The following CCDC91 variants were observed in gnomAD, a reference collection of about 807,000 sequenced individuals.
CCDC91 encodes the protein coiled-coil domain-containing protein 91.
Under a neutral mutation model 63.2 loss-of-function variants are expected in CCDC91, and 48 were observed. The observed-to-expected ratio is 0.76, with a 90% CI of 0.60 to 0.97. The LOEUF (loss-of-function observed/expected upper bound fraction) is 0.97. CCDC91 is among the 50% of genes least tolerant of loss of function. CCDC91 has a pLI of 0.00. For synonymous variants in CCDC91, 167 were observed against 165.8 expected (o/e 1.01, Z -0.06); for missense variants, 500 against 494.6 (o/e 1.01, Z -0.10).
At chr12:28,209,328 G>T (rs192031747) in intron 1 of CCDC91, among the ~76,000 whole-genome samples, 7 of 152,194 alleles carry the variant, frequency 4.6e-5, no homozygotes, top group Non-Finnish European at 1.0e-4. Context: ...ACCCTGTTGT[G>T]CTTTTATTCC....
chr12:28,436,742 T>C (rs1328924791), intron 8 of CCDC91, among the ~76,000 whole-genome samples: 2 of 151,852 alleles, frequency 1.3e-5, no homozygotes, highest in Non-Finnish European at 2.9e-5. Context: ...TTTTGCAGGG[T>C]ACACAATTCC....
At chr12:28,464,533 C>T (rs1159077080) in intron 11 of CCDC91, among the ~76,000 whole-genome samples, 1 of 152,202 alleles carries the variant, frequency 6.6e-6, no homozygotes, top group African/African-American at 2.4e-5. Context: ...TGGTCAGAGT[C>T]ACGAGGCCTC....
chr12:28,258,080 T>G (rs1396194454), intron 2 of CCDC91, among the ~76,000 whole-genome samples: 1 of 151,964 alleles, frequency 6.6e-6, no homozygotes, highest in Non-Finnish European at 1.5e-5. Context: ...AAGAATGGTG[T>G]GAGGTTTTTG....
chr12:28,487,328 T>C lies in CCDC91; in HGVS notation c.1215+3163T>C, dbSNP rs563051391. On this transcript the variant is annotated intron_variant, in intron 12 of 12. Coordinates refer to ENST00000536442, the MANE Select transcript of CCDC91 (RefSeq NM_018318.5). Reference sequence around the variant, plus strand: ...TGAAATGGAACTAATTACTAATTACTAGACCTCTTTATTATGTAAATTTTA... The same window carrying C: ...TGAAATGGAACTAATTACTAATTACCAGACCTCTTTATTATGTAAATTTTA... Among the ~76,000 whole-genome samples, 8 of 151,910 alleles carry C rather than the reference T, an allele frequency of 5.3e-5. No homozygotes were observed. In the South Asian group the frequency reaches 8.3e-4, roughly 16 times the overall value.
chr12:28,327,022 A>G (rs1021683811), intron 6 of CCDC91, among the ~76,000 whole-genome samples: 2 of 152,114 alleles, frequency 1.3e-5, no homozygotes, highest in Non-Finnish European at 2.9e-5. Context: ...AAAAGTAAGG[A>G]GAAGAATATT....
chr12:28,293,446 T>C (rs1949365252), intron 3 of CCDC91, among the ~76,000 whole-genome samples: 1 of 152,198 alleles, frequency 6.6e-6, no homozygotes, highest in South Asian at 2.1e-4. Flanking sequence ...CATTAAGTCT[T>C]GTTTTCTACT....
intron 11 of CCDC91, among the ~76,000 whole-genome samples, chr12:28,479,905 G>A (rs933527495): frequency 4.6e-5 from 7 of 152,002 alleles, no homozygotes; most frequent in Admixed American, 4.6e-4. Flanking sequence ...GACTATGTAT[G>A]AGATTAATAA....
intron 6 of CCDC91, among the ~76,000 whole-genome samples, chr12:28,357,671 G>A (rs1481956215): frequency 6.6e-6 from 1 of 152,032 alleles, no homozygotes; most frequent in Non-Finnish European, 1.5e-5. Context: ...TGCCCTTATT[G>A]AACAATACCT....
intron 11 of CCDC91, among the ~76,000 whole-genome samples, chr12:28,467,328 A>G (rs946463955): frequency 6.6e-6 from 1 of 152,100 alleles, no homozygotes; most frequent in Non-Finnish European, 1.5e-5. Flanking sequence ...TGCTTAGACA[A>G]AATGGATTTC....
chr12:28,406,959 G>A (rs1946992583), intron 8 of CCDC91, among the ~76,000 whole-genome samples: 1 of 152,122 alleles, frequency 6.6e-6, no homozygotes, highest in Non-Finnish European at 1.5e-5. Flanking sequence ...CAGTGTTGGA[G>A]TTGGGGCCTG....
At chr12:28,434,290 T>A (rs10400519) in intron 8 of CCDC91, among the ~76,000 whole-genome samples, 2 of 151,704 alleles carry the variant, frequency 1.3e-5, no homozygotes, top group Non-Finnish European at 3.0e-5. Flanking sequence ...TCTTGTTTTA[T>A]AGTTCGATAA....
rs1446754041 is a variant in CCDC91 at position 28,474,466 on chromosome 12, C to T, written c.1102-9586C>T. On this transcript the variant is annotated intron_variant, in intron 11 of 12. Coordinates refer to ENST00000536442, the MANE Select transcript of CCDC91 (RefSeq NM_018318.5). Reference sequence around the variant, plus strand: ...GATTGTACCAAAACAGGCAATGGACCGGATTTGGCTCATTGGTAGTAGATT... The same window carrying T: ...GATTGTACCAAAACAGGCAATGGACTGGATTTGGCTCATTGGTAGTAGATT... Among the ~76,000 whole-genome samples the T allele has an allele frequency of 3.9e-5, 6 of 151,922 alleles. No homozygotes were observed. In the South Asian group the frequency reaches 6.2e-4, roughly 16 times the overall value.
intron 6 of CCDC91, among the ~76,000 whole-genome samples, chr12:28,319,759 T>C (rs556787084): frequency 1.3e-5 from 2 of 151,734 alleles, no homozygotes; most frequent in East Asian, 1.9e-4. Context: ...CCTAATACAA[T>C]GTGAATGCTA....
At chr12:28,325,430 A>G (rs1565799293) in intron 6 of CCDC91, among the ~76,000 whole-genome samples, 1 of 152,082 alleles carries the variant, frequency 6.6e-6, no homozygotes, top group African/African-American at 2.4e-5. Context: ...CGGAAAAACA[A>G]CAAAAATCAC....
chr12:28,202,742 T>A (rs958678836), intron 1 of CCDC91, among the ~76,000 whole-genome samples: 3 of 152,228 alleles, frequency 2.0e-5, no homozygotes, highest in Admixed American at 1.3e-4. Flanking sequence ...CTTTACTGAG[T>A]ACTTGCATGA....
intron 7 of CCDC91, among the ~76,000 whole-genome samples, chr12:28,364,920 A>G (rs998023855): frequency 2.0e-5 from 3 of 152,176 alleles, no homozygotes; most frequent in Non-Finnish European, 4.4e-5. Flanking sequence ...AAAATTTTAC[A>G]TGATATCCAG....
At chr12:28,508,782 A>G (rs1319200965) in intron 12 of CCDC91, among the ~76,000 whole-genome samples, 1 of 151,952 alleles carries the variant, frequency 6.6e-6, no homozygotes, top group East Asian at 2.0e-4. Flanking sequence ...TATCTGAGTC[A>G]GTTATTAAGA....
chr12:28,414,435 G>T (rs1025738978), intron 8 of CCDC91, among the ~76,000 whole-genome samples: 4 of 152,020 alleles, frequency 2.6e-5, no homozygotes, highest in African/African-American at 7.2e-5. Flanking sequence ...TAATATATGA[G>T]AATATTCAAA....
At chr12:28,260,984 A>G (rs1001762234) in intron 3 of CCDC91, among the ~76,000 whole-genome samples, 24 of 152,050 alleles carry the variant, frequency 1.6e-4, no homozygotes, top group African/African-American at 5.8e-4. Context: ...TTTGATACAC[A>G]TAACTGTGTT....
Sources: gnomAD v4.1 joint callset for allele counts (sites outside exome capture counted in the v4.1 genomes callset) on GRCh38, gnomAD v4.1.1 for gene constraint, MANE v1.5 for transcripts, NCBI Gene and HGNC (gene_info 2026-07-23, HGNC 2026-07-21) for gene names.